Variants in TBC1D19 observed in about 807,000 individuals in gnomAD.
TBC1D19 encodes the protein TBC1 domain family member 19.
A neutral mutation model predicts 89.0 loss-of-function variants in TBC1D19; 60 were observed. That is an observed-to-expected ratio of 0.67 (90% CI 0.55 to 0.84). TBC1D19 has a LOEUF of 0.84. Ranked by LOEUF, TBC1D19 falls within the 40% of genes least tolerant of loss-of-function variation. The pLI, the probability that TBC1D19 is intolerant of heterozygous loss-of-function variation, is 0.00. For synonymous variants in TBC1D19, 189 were observed against 199.7 expected, an observed-to-expected ratio of 0.95 and a Z score of 0.45; for missense variants, 500 against 610.8, an observed-to-expected ratio of 0.82 and a Z score of 1.91.
the TBC1D19 span, among the ~76,000 whole-genome samples, chr4:26,824,366 AAC>A: frequency 1.3e-5 from 2 of 152,262 alleles, no homozygotes; most frequent in Non-Finnish European, 2.9e-5. Context: ...AATGTTGACT[AAC>A]ACAGATATGA....
intron 1 of TBC1D19, among the ~76,000 whole-genome samples, chr4:26,607,304 C>A (rs1249428095): frequency 2.0e-5 from 3 of 152,158 alleles, no homozygotes; most frequent in Non-Finnish European, 2.9e-5. Flanking sequence ...CCTCACCCAC[C>A]TCCCTGACAG....
intron 13 of TBC1D19, among the ~76,000 whole-genome samples, chr4:26,713,014 G>A (rs1716306156): frequency 6.6e-6 from 1 of 152,038 alleles, no homozygotes; most frequent in African/African-American, 2.4e-5. Flanking sequence ...GGGCCATTAT[G>A]CTACCTACCA....
chr4:26,584,217 C>G lies in TBC1D19; in HGVS notation c.24C>G (p.Leu8=). The part of the protein sequence containing the change: MLQEESD[L]SLIIAQIVQK... ...AAATGTTGCAGGAGGAGTCGGACCT[C>G]TCTCTCATTATTGCCCAGATAGTCC... Residue 8 remains leucine, a synonymous_variant, in exon 1 of 21, where the codon CTC becomes CTG. Transcript: ENST00000264866. 1 of 1,612,510 alleles carries G rather than the reference C, an allele frequency of 6.2e-7. No homozygotes were observed. The highest frequency in any genetic ancestry group is 2.2e-5 in the East Asian group (1 of 44,850).
At chr4:26,722,558 T>A (rs1429658191) in intron 15 of TBC1D19, among the ~76,000 whole-genome samples, 1 of 152,098 alleles carries the variant, frequency 6.6e-6, no homozygotes. Flanking sequence ...ATTAGACCAC[T>A]CCAGCAAATC....
chr4:26,587,476 T>C (rs1395522601), intron 1 of TBC1D19, among the ~76,000 whole-genome samples: 2 of 151,240 alleles, frequency 1.3e-5, no homozygotes, highest in Non-Finnish European at 2.9e-5. Flanking sequence ...ACTTGAGAGG[T>C]TGAGGTGGGA....
rs573029265 is a variant in TBC1D19 at position 26,588,024 on chromosome 4, C to CTT, written c.99+3750_99+3751dup. 6.3e-3 allele frequency among the ~76,000 whole-genome samples: 756 copies of CTT among 119,272 alleles called. 19 individuals are homozygous for CTT. Among genetic ancestry groups the CTT allele is most frequent in the African/African-American group, 0.023 (710 of 30,528 alleles). The allele number at this position is 119,272 out of a possible 152,430, so 78.2% of individuals were successfully genotyped here. ...CCTTCCTTATACTGTCATATGTGTT[C>CTT]TTTTTTTTTTTTTTTTTTTGAGGTG... On this transcript the variant is annotated intron_variant, in intron 1 of 20. Coordinates refer to ENST00000264866, the MANE Select transcript of TBC1D19 (RefSeq NM_018317.4).
At chr4:26,590,796 G>GTTTTTTGTTTTTTTTTTTTTTTTTT (rs1739723443) in intron 1 of TBC1D19, among the ~76,000 whole-genome samples, 1 of 52,958 alleles carries the variant, frequency 1.9e-5, no homozygotes, top group Non-Finnish European at 3.1e-5. Context: ...TTGCAGGTCT[G>GTTTTTTGTTTTTTTTTTTTTTTTTT]TTTTTTTTTT....
At chr4:26,719,988 A>G in intron 14 of TBC1D19, 93 bp from the exon 15 acceptor site, 1 of 1,052,012 alleles carries the variant, frequency 9.5e-7, no homozygotes, top group Non-Finnish European at 1.4e-6. Context: ...GTAGTTTTTA[A>G]AATTCCGTTG....
intron 19 of TBC1D19, among the ~76,000 whole-genome samples, chr4:26,751,800 G>T (rs1292616364): frequency 6.6e-6 from 1 of 152,204 alleles, no homozygotes; most frequent in Non-Finnish European, 1.5e-5. Context: ...AGACCTGGCT[G>T]CTGACTTCTG....
intron 9 of TBC1D19, among the ~76,000 whole-genome samples, chr4:26,670,109 T>C (rs1160444500): frequency 6.6e-6 from 1 of 151,702 alleles, no homozygotes; most frequent in African/African-American, 2.4e-5. Context: ...CATGCTATTA[T>C]AGTGTTCACT....
At chr4:26,711,888 C>G (rs1716218030) in intron 13 of TBC1D19, among the ~76,000 whole-genome samples, 1 of 152,038 alleles carries the variant, frequency 6.6e-6, no homozygotes, top group Non-Finnish European at 1.5e-5. Context: ...TTGCTTGTAT[C>G]ACAGGATTGC....
At chr4:26,784,772 C>A in the TBC1D19 span, among the ~76,000 whole-genome samples, 88 of 152,298 alleles carry the variant, frequency 5.8e-4, no homozygotes, top group African/African-American at 2.0e-3. Context: ...TGATACTAAG[C>A]ACTTTCTGAA....
the TBC1D19 span, among the ~76,000 whole-genome samples, chr4:26,856,189 C>T: frequency 1.2e-4 from 6 of 51,660 alleles, no homozygotes; most frequent in Non-Finnish European, 2.9e-4. Flanking sequence ...ATGAGATGAA[C>T]TTTTTTTTAG....
the TBC1D19 span, among the ~76,000 whole-genome samples, chr4:26,851,304 C>CCTCTCTCT: frequency 1.4e-5 from 2 of 146,974 alleles, no homozygotes; most frequent in Non-Finnish European, 3.0e-5. Context: ...TAATAAATAC[C>CCTCTCTCT]CTATCTATCT....
intron 9 of TBC1D19, among the ~76,000 whole-genome samples, chr4:26,671,874 A>G (rs1712338994): frequency 6.6e-6 from 1 of 151,932 alleles, no homozygotes; most frequent in African/African-American, 2.4e-5. Context: ...TTAATTTTAA[A>G]CAAAAAATTG....
intron 1 of TBC1D19, among the ~76,000 whole-genome samples, chr4:26,601,350 G>C (rs577854946): frequency 6.6e-6 from 1 of 152,278 alleles, no homozygotes; most frequent in Admixed American, 6.5e-5. Flanking sequence ...TCATGTTGTA[G>C]TGTGTGTTGG....
the TBC1D19 span, among the ~76,000 whole-genome samples, chr4:26,815,503 C>T: frequency 6.6e-6 from 1 of 152,240 alleles, no homozygotes; most frequent in Non-Finnish European, 1.5e-5. Context: ...TGGAAATAAA[C>T]ATGATTTCAC....
At chr4:26,835,032 T>C in the TBC1D19 span, among the ~76,000 whole-genome samples, 1 of 152,196 alleles carries the variant, frequency 6.6e-6, no homozygotes, top group African/African-American at 2.4e-5. Context: ...TGTCCACCTC[T>C]TAATCACTGA....
At chr4:26,763,035 G>A in the TBC1D19 span, among the ~76,000 whole-genome samples, 3 of 152,110 alleles carry the variant, frequency 2.0e-5, no homozygotes, top group East Asian at 1.9e-4. Flanking sequence ...CTGTCTCCTC[G>A]CAGCTAAATT....
Sources: gnomAD v4.1 joint callset for allele counts (sites outside exome capture counted in the v4.1 genomes callset) on GRCh38, gnomAD v4.1.1 for gene constraint, MANE v1.5 for transcripts, NCBI Gene and HGNC (gene_info 2026-07-23, HGNC 2026-07-21) for gene names.